Variants in ARHGAP42 observed in about 807,000 individuals in gnomAD.
ARHGAP42 encodes rho GTPase-activating protein 42.
Under a neutral mutation model 125.0 loss-of-function variants are expected in ARHGAP42, and 63 were observed. The ratio of observed to expected loss-of-function variants is 0.50; its 90% CI spans 0.41 to 0.62. ARHGAP42 has a LOEUF of 0.62. Ranked by LOEUF, ARHGAP42 falls within the 20% of genes least tolerant of loss-of-function variation. The probability of loss-of-function intolerance (pLI) is 0.00; values close to 1 mark genes in which losing one functional copy is unlikely to be tolerated. For synonymous variants in ARHGAP42, 339 were observed against 351.0 expected (o/e 0.97, Z 0.38); for missense variants, 766 against 1,024.2 (o/e 0.75, Z 3.44).
rs539892286 is a variant in ARHGAP42, at chr11:100,832,416, C to T, written c.313-27138C>T. On this transcript the variant is annotated intron_variant, in intron 3 of 23. Coordinates refer to ENST00000298815, the MANE Select transcript of ARHGAP42 (RefSeq NM_152432.4). ...TGAAGCTTCTCTTACCCTTGTTTCT[C>T]CAGTTATATAAACTGATGTATTTGT... Among the ~76,000 whole-genome samples the T allele has an allele frequency of 5.9e-5, 9 of 152,246 alleles. No homozygotes were observed. In the South Asian group the frequency reaches 8.3e-4, roughly 14 times the overall value.
chr11:100,691,655 A>G (rs1861193565), intron 1 of ARHGAP42, among the ~76,000 whole-genome samples: 1 of 152,118 alleles, frequency 6.6e-6, no homozygotes, highest in Non-Finnish European at 1.5e-5. Context: ...AGCTGGGACC[A>G]TAGGAATGCA....
chr11:100,863,171 AT>A lies in ARHGAP42; in HGVS notation c.384+3554del, dbSNP rs1015089578. On this transcript the variant is annotated intron_variant, in intron 4 of 23. Transcript: ENST00000298815. ...GAAATAAACATACTTGAAAGTACTT[AT>A]TTTTTTTCTATTACTTTACTTCCTG... is the stretch of plus-strand genomic sequence containing the variant. Among the ~76,000 whole-genome samples the A allele has an allele frequency of 2.0e-5, 3 of 151,622 alleles. No homozygotes were observed. The East Asian group carries it at 5.8e-4, about 29-fold the overall frequency.
intron 3 of ARHGAP42, chr11:100,859,292 AT>A (rs1056726306): frequency 1.2e-5 from 4 of 342,138 alleles, no homozygotes; most frequent in African/African-American, 8.6e-5. Flanking sequence ...AGAAGAAGAA[AT>A]TTAAGTATTC....
In ARHGAP42 at chr11:100,993,082, T is replaced by G. The variant is rs1309538095; in HGVS notation, c.*4281T>G. On this transcript the variant is annotated 3_prime_UTR_variant, in exon 24 of 24. Transcript: ENST00000298815. Reference sequence around the variant, plus strand: ...CTGTGTACACGGCTATTTGGGAAACTTAAGTGTTGGAGGAGGCAGGGGCTG... The same window carrying G: ...CTGTGTACACGGCTATTTGGGAAACGTAAGTGTTGGAGGAGGCAGGGGCTG... 1 of 183,288 alleles carries G rather than the reference T, an allele frequency of 5.5e-6. No homozygotes were observed. Among genetic ancestry groups the G allele is most frequent in the Non-Finnish European group, 1.3e-5 (1 of 78,264 alleles). 11.4% of individuals were successfully genotyped at this position (183,288 alleles called of 1,614,324 possible).
intron 4 of ARHGAP42, among the ~76,000 whole-genome samples, chr11:100,885,499 G>T (rs1380190565): frequency 6.6e-6 from 1 of 152,058 alleles, no homozygotes; most frequent in African/African-American, 2.4e-5. Context: ...TGGGGTATCG[G>T]ATGCCTTTTA....
chr11:100,714,389 TTG>T (rs10609660), intron 1 of ARHGAP42, among the ~76,000 whole-genome samples: 33,291 of 149,528 alleles, frequency 0.22, 3,842 homozygotes, highest in Middle Eastern at 0.27. Flanking sequence ...ACATAAAAAT[TTG>T]TGTGTGTGTG....
At chr11:100,696,834 A>G (rs17712139) in intron 1 of ARHGAP42, among the ~76,000 whole-genome samples, 33,309 of 151,982 alleles carry the variant, frequency 0.22, 3,862 homozygotes, top group Non-Finnish European at 0.25. Context: ...ATGCCACTGC[A>G]CTTACCTCAA....
chr11:100,691,678 GC>G (rs1861193945), intron 1 of ARHGAP42, among the ~76,000 whole-genome samples: 1 of 152,094 alleles, frequency 6.6e-6, no homozygotes, highest in Non-Finnish European at 1.5e-5. Flanking sequence ...ACCAGGCCAG[GC>G]TAATTTTTGA....
intron 2 of ARHGAP42, among the ~76,000 whole-genome samples, chr11:100,782,821 A>G (rs1001307594): frequency 1.3e-5 from 2 of 152,184 alleles, no homozygotes; most frequent in African/African-American, 2.4e-5. Flanking sequence ...TGAGGGTACT[A>G]TTTCTGCCAT....
intron 2 of ARHGAP42, among the ~76,000 whole-genome samples, chr11:100,772,229 G>A (rs945261992): frequency 6.6e-5 from 10 of 152,170 alleles, no homozygotes; most frequent in Non-Finnish European, 1.2e-4. Flanking sequence ...TAAGCTGAAT[G>A]AATTTCAGCT....
At chr11:100,928,615 C>A (rs1374250567) in intron 6 of ARHGAP42, among the ~76,000 whole-genome samples, 1 of 151,894 alleles carries the variant, frequency 6.6e-6, no homozygotes, top group Non-Finnish European at 1.5e-5. Context: ...CATAAAGATA[C>A]AATTCACATA....
chr11:100,751,773 CTTTTTTTTTT>C (rs757372755), intron 1 of ARHGAP42, among the ~76,000 whole-genome samples: 5 of 84,418 alleles, frequency 5.9e-5, no homozygotes, highest in African/African-American at 1.5e-4. Context: ...AGACAGGCAC[CTTTTTTTTTT>C]TTTTTTTTTT....
chr11:100,695,367 G>T (rs980740992), intron 1 of ARHGAP42, among the ~76,000 whole-genome samples: 1 of 152,098 alleles, frequency 6.6e-6, no homozygotes, highest in Non-Finnish European at 1.5e-5. Context: ...GCAATCGCAC[G>T]ATCTCAGCTC....
chr11:100,755,099 C>T (rs1260133810), intron 1 of ARHGAP42, among the ~76,000 whole-genome samples: 1 of 152,128 alleles, frequency 6.6e-6, no homozygotes, highest in East Asian at 1.9e-4. Flanking sequence ...ATTCTAATGG[C>T]AGGGGGTGTG....
At chr11:100,808,672 T>C (rs1438964924) in intron 3 of ARHGAP42, among the ~76,000 whole-genome samples, 2 of 152,116 alleles carry the variant, frequency 1.3e-5, no homozygotes, top group Non-Finnish European at 2.9e-5. Flanking sequence ...CCCAAAGTGC[T>C]GGGATTACAG....
At chr11:100,933,084 C>T in intron 6 of ARHGAP42, 72 bp from the exon 7 acceptor site, 2 of 1,001,848 alleles carry the variant, frequency 2.0e-6, no homozygotes, top group East Asian at 2.8e-5. Context: ...ATATAATTTT[C>T]TCCCTATTTT....
At chr11:100,863,347 C>A (rs1302627397) in intron 4 of ARHGAP42, among the ~76,000 whole-genome samples, 2 of 152,184 alleles carry the variant, frequency 1.3e-5, no homozygotes, top group African/African-American at 4.8e-5. Flanking sequence ...AAGGTAGAAT[C>A]TTCCACTGCA....
intron 1 of ARHGAP42, among the ~76,000 whole-genome samples, chr11:100,766,581 G>A (rs774526118): frequency 2.6e-5 from 4 of 152,158 alleles, no homozygotes; most frequent in Non-Finnish European, 4.4e-5. Context: ...TGTTTCATGT[G>A]ATTTTAAATT....
At chr11:100,884,750 G>T (rs770544480) in intron 4 of ARHGAP42, among the ~76,000 whole-genome samples, 1 of 152,044 alleles carries the variant, frequency 6.6e-6, no homozygotes, top group South Asian at 2.1e-4. Context: ...TGATTTTACC[G>T]TAATGAAATT....
Sources: gnomAD v4.1 joint callset for allele counts (sites outside exome capture counted in the v4.1 genomes callset) on GRCh38, gnomAD v4.1.1 for gene constraint, MANE v1.5 for transcripts, NCBI Gene and HGNC (gene_info 2026-07-23, HGNC 2026-07-21) for gene names.